The following LRP1B variants were observed in gnomAD, a reference collection of about 807,000 sequenced individuals.
The protein encoded by LRP1B is low-density lipoprotein receptor-related protein 1B.
LRP1B carries 217 observed loss-of-function variants against 556.6 expected under a neutral mutation model. The ratio of observed to expected loss-of-function variants is 0.39; its 90% confidence interval spans 0.35 to 0.44. LRP1B has a LOEUF of 0.44. Among genes scored for constraint, LRP1B ranks in the 20% least tolerant of loss-of-function variants. The pLI is 1.00. For synonymous variants in LRP1B, 2,047 were observed against 1,865.8 expected, an observed-to-expected ratio of 1.10 and a Z score of -2.50; for missense variants, 5,053 against 5,620.8, an observed-to-expected ratio of 0.90 and a Z score of 3.23.
In LRP1B at chr2:140,419,256, T is replaced by C. The variant is rs564722443; in HGVS notation, c.10414+23248A>G. On this transcript the variant is annotated intron_variant, in intron 66 of 90. Transcript: ENST00000389484. ...ATGAATCAGTTCATCAAGAGAAACA[T>C]AATTCCAAAAATGTGTGCATTAACA... Among the ~76,000 whole-genome samples, 9 of 152,264 alleles carry C rather than the reference T, an allele frequency of 5.9e-5. No individual in the cohort carries two copies. In the South Asian group the frequency reaches 1.9e-3, roughly 32 times the overall value.
chr2:141,890,270 A>G (rs1699242511), intron 1 of LRP1B, among the ~76,000 whole-genome samples: 1 of 148,426 alleles, frequency 6.7e-6, no homozygotes. Flanking sequence ...TACGTTGCTT[A>G]TGCTGTACCC....
At chr2:141,705,020 G>A (rs903778449) in intron 2 of LRP1B, among the ~76,000 whole-genome samples, 13 of 151,836 alleles carry the variant, frequency 8.6e-5, no homozygotes, top group African/African-American at 3.1e-4. Flanking sequence ...TCTGCTCCTT[G>A]GGGAGTTTAC....
chr2:142,088,819 C>CA (rs1200174287), intron 1 of LRP1B, among the ~76,000 whole-genome samples: 1 of 151,486 alleles, frequency 6.6e-6, no homozygotes, highest in Non-Finnish European at 1.5e-5. Context: ...ACTAAAAACA[C>CA]AAAAAATTAG....
intron 2 of LRP1B, among the ~76,000 whole-genome samples, chr2:141,723,023 T>A (rs1692893456): frequency 6.6e-6 from 1 of 152,166 alleles, no homozygotes; most frequent in African/African-American, 2.4e-5. Context: ...GTACATTTAT[T>A]ATTGCCTACT....
chr2:140,761,247 C>T (rs1018559016), intron 35 of LRP1B, among the ~76,000 whole-genome samples: 2 of 152,100 alleles, frequency 1.3e-5, no homozygotes, highest in African/African-American at 4.8e-5. Context: ...AGAAGCTGTC[C>T]ATACAGGAAC....
intron 41 of LRP1B, among the ~76,000 whole-genome samples, chr2:140,632,898 C>G (rs1385863440): frequency 6.6e-6 from 1 of 151,800 alleles, no homozygotes; most frequent in East Asian, 1.9e-4. Flanking sequence ...CCTGTCTCCA[C>G]TAAAAATACA....
chr2:141,895,623 T>A (rs1699429307), intron 1 of LRP1B, among the ~76,000 whole-genome samples: 1 of 152,192 alleles, frequency 6.6e-6, no homozygotes, highest in Non-Finnish European at 1.5e-5. Context: ...TGAGACTTGG[T>A]TATTTTACTT....
chr2:140,510,857 T>C (rs1689621544), intron 51 of LRP1B, among the ~76,000 whole-genome samples: 1 of 152,194 alleles, frequency 6.6e-6, no homozygotes, highest in African/African-American at 2.4e-5. Context: ...GTTATGATCA[T>C]AGGGTAGCCA....
intron 3 of LRP1B, among the ~76,000 whole-genome samples, chr2:141,255,484 T>TA (rs1293385976): frequency 6.6e-6 from 1 of 151,990 alleles, no homozygotes; most frequent in Non-Finnish European, 1.5e-5. Context: ...AAATTATAAT[T>TA]AAAAAATAAA....
At chr2:140,952,199 A>T (rs547677619) in intron 18 of LRP1B, among the ~76,000 whole-genome samples, 1 of 152,348 alleles carries the variant, frequency 6.6e-6, no homozygotes, top group South Asian at 2.1e-4. Context: ...TGGATTCATT[A>T]TACTGCTAGA....
At chr2:141,059,698 T>C (rs904185726) in intron 8 of LRP1B, among the ~76,000 whole-genome samples, 2 of 151,808 alleles carry the variant, frequency 1.3e-5, no homozygotes, top group South Asian at 4.1e-4. Context: ...CTTTTGAGAA[T>C]TATGATGTTT....
At chr2:140,939,065 A>T (rs1383308970) in intron 20 of LRP1B, among the ~76,000 whole-genome samples, 1 of 152,066 alleles carries the variant, frequency 6.6e-6, no homozygotes, top group Non-Finnish European at 1.5e-5. Context: ...GTATATTATG[A>T]TAACACTAAA....
At chr2:141,532,135 T>C (rs1684906194) in intron 2 of LRP1B, among the ~76,000 whole-genome samples, 1 of 152,172 alleles carries the variant, frequency 6.6e-6, no homozygotes, top group Non-Finnish European at 1.5e-5. Context: ...ACTAATTGTA[T>C]TGTTGGCATC....
At position 141,150,869 on chromosome 2, in the gene LRP1B, T is replaced by TGTGTGTGTG. The variant is rs1553467366; in HGVS notation, c.1013+37551_1013+37552insCACACACAC. 1.7e-4 allele frequency among the ~76,000 whole-genome samples: 24 copies of TGTGTGTGTG among 138,714 alleles called. No homozygotes were observed. In the East Asian group the frequency reaches 2.1e-3, roughly 12 times the overall value. The allele number at this position is 138,714 out of a possible 152,430, so 91.0% of individuals were successfully genotyped here. ...ATGGCCTTCATATTGTCATGCTGGT[T>TGTGTGTGTG]TGTGTGTGTGTGTGTGTGTGTGTGT... On this transcript the variant is annotated intron_variant, in intron 7 of 90. Coordinates refer to ENST00000389484, the MANE Select transcript of LRP1B (RefSeq NM_018557.3).
chr2:140,309,927 G>GTTC (rs543421950), intron 83 of LRP1B, among the ~76,000 whole-genome samples: 1 of 116,610 alleles, frequency 8.6e-6, no homozygotes, highest in Non-Finnish European at 1.9e-5. Context: ...TCTAAATTTT[G>GTTC]TTTTTTTATT....
intron 1 of LRP1B, among the ~76,000 whole-genome samples, chr2:142,022,894 C>T (rs1703385231): frequency 6.6e-6 from 1 of 151,980 alleles, no homozygotes; most frequent in Admixed American, 6.6e-5. Context: ...CCAGGATGGT[C>T]TTAATGTCCT....
At chr2:141,128,659 T>C (rs911130678) in intron 7 of LRP1B, among the ~76,000 whole-genome samples, 1 of 151,964 alleles carries the variant, frequency 6.6e-6, no homozygotes, top group African/African-American at 2.4e-5. Flanking sequence ...TTTGCCTTGT[T>C]GCCCAGGCTG....
chr2:141,386,289 T>C (rs1470627035), intron 3 of LRP1B, among the ~76,000 whole-genome samples: 2 of 152,234 alleles, frequency 1.3e-5, no homozygotes, highest in South Asian at 2.1e-4. Context: ...GTTTCAAACA[T>C]TTTGGATAAG....
intron 66 of LRP1B, among the ~76,000 whole-genome samples, chr2:140,401,317 C>T (rs1267790379): frequency 6.6e-6 from 1 of 152,188 alleles, no homozygotes; most frequent in Admixed American, 6.5e-5. Flanking sequence ...TAGTCCAGTA[C>T]TATTAGCAGA....
Sources: gnomAD v4.1 joint callset for allele counts (sites outside exome capture counted in the v4.1 genomes callset) on GRCh38, gnomAD v4.1.1 for gene constraint, MANE v1.5 for transcripts, NCBI Gene and HGNC (gene_info 2026-07-23, HGNC 2026-07-21) for gene names.